The following CDKL2 variants were observed in gnomAD, a reference collection of about 807,000 sequenced individuals.
CDKL2 encodes the protein cyclin-dependent kinase-like 2.
A neutral mutation model predicts 63.9 loss-of-function variants in CDKL2; 64 were observed. That is an observed-to-expected ratio of 1.00 (90% confidence interval 0.82 to 1.23). The LOEUF (loss-of-function observed/expected upper bound fraction) is 1.23, where lower values mean the gene tolerates loss of function less well. CDKL2 is among the 50% of genes most tolerant of loss of function. The probability of loss-of-function intolerance (pLI) is 0.00; values close to 1 mark genes in which losing one functional copy is unlikely to be tolerated. For missense variants in CDKL2, 656 were observed against 668.0 expected, an observed-to-expected ratio of 0.98 and a Z score of 0.20; for synonymous variants, 211 against 229.2, an observed-to-expected ratio of 0.92 and a Z score of 0.72.
chr4:75,594,300 T>C lies in CDKL2; in HGVS notation c.1416+1947A>G, dbSNP rs565728946. Among the ~76,000 whole-genome samples the C allele has an allele frequency of 1.2e-4, 19 of 152,050 alleles. No homozygotes were observed. The East Asian group carries it at 3.7e-3, about 29-fold the overall frequency. On this transcript the variant is annotated intron_variant, in intron 10 of 13. Transcript: ENST00000307465. ...CCGCCTCTACTAAAAATACAAAAAT[T>C]AGCTGGGTGTGGTGGCAGGTGCCTG... is the stretch of plus-strand genomic sequence containing the variant.
intron 2 of CDKL2, among the ~76,000 whole-genome samples, chr4:75,618,875 G>T (rs960392069): frequency 6.6e-6 from 1 of 152,066 alleles, no homozygotes; most frequent in African/African-American, 2.4e-5. Context: ...AATAAACGAG[G>T]CATCACTAGA....
intron 7 of CDKL2, among the ~76,000 whole-genome samples, chr4:75,600,053 G>A (rs1729113131): frequency 6.6e-6 from 1 of 152,136 alleles, no homozygotes; most frequent in Admixed American, 6.6e-5. Context: ...ACAGAAAGAA[G>A]ACATAAAATG....
At chr4:75,602,743 C>T (rs1392063417) in intron 6 of CDKL2, among the ~76,000 whole-genome samples, 1 of 151,884 alleles carries the variant, frequency 6.6e-6, no homozygotes, top group Non-Finnish European at 1.5e-5. Flanking sequence ...AGGCTGGTCT[C>T]CAACTCCTGA....
At chr4:75,629,938 C>CAAAAAAAAAAA (rs747587721) in intron 1 of CDKL2, 104 bp downstream of exon 1, 8 of 74,170 alleles carry the variant, frequency 1.1e-4, no homozygotes, top group Non-Finnish European at 1.8e-4. Context: ...AACTCCGTCT[C>CAAAAAAAAAAA]AAAAAAAAAA....
intron 13 of CDKL2, among the ~76,000 whole-genome samples, chr4:75,580,248 G>A (rs2148853209): frequency 1.3e-5 from 2 of 150,806 alleles, no homozygotes; most frequent in South Asian, 4.4e-4. Flanking sequence ...GACAGAGCAA[G>A]ACACCGTCTC....
rs554405215 is a variant in CDKL2 at position 75,595,976 on chromosome 4, AGAAGGAAGGAAGGAAGGAAGGAAG to A, written c.1416+247_1416+270del. Reference sequence around the variant, plus strand: ...AGAGAGGAAGGAAGGAAGGAAGGAAAGAAGGAAGGAAGGAAGGAAGGAAGGAAGGAAGGAAGGAAGGAAGGAAGG... The same window carrying A: ...AGAGAGGAAGGAAGGAAGGAAGGAAAGAAGGAAGGAAGGAAGGAAGGAAGG... On this transcript the variant is annotated intron_variant, in intron 10 of 13. Transcript: ENST00000307465. The A allele has an allele frequency of 1.1e-4, 17 of 155,818 alleles. No homozygotes were observed. In the South Asian group the frequency reaches 1.1e-3, roughly 10 times the overall value. The allele number at this position is 155,818 out of a possible 1,614,324, so 9.7% of individuals were successfully genotyped here.
chr4:75,595,141 T>G (rs1277304617), intron 10 of CDKL2, among the ~76,000 whole-genome samples: 1 of 152,058 alleles, frequency 6.6e-6, no homozygotes, highest in Non-Finnish European at 1.5e-5. Flanking sequence ...TTATTTCCAG[T>G]GTCTCACACA....
chr4:75,614,536 T>C, intron 2 of CDKL2, 87 bp from the exon 3 acceptor site: 2 of 789,738 alleles, frequency 2.5e-6, no homozygotes, highest in Non-Finnish European at 4.0e-6. Context: ...CAATTAATTA[T>C]TTAAAATAGA....
intron 6 of CDKL2, among the ~76,000 whole-genome samples, chr4:75,601,480 T>G (rs1729188170): frequency 6.6e-6 from 1 of 152,142 alleles, no homozygotes; most frequent in Non-Finnish European, 1.5e-5. Flanking sequence ...ATAATACATC[T>G]GGGATTTGCT....
At chr4:75,596,373 G>A in intron 9 of CDKL2, 33 bp from the exon 10 acceptor site, 2 of 1,314,334 alleles carry the variant, frequency 1.5e-6, no homozygotes, top group Non-Finnish European at 2.2e-6. Flanking sequence ...TTTTAAGTTA[G>A]AACCAGCAAT....
chr4:75,620,010 C>A (rs954515261), intron 2 of CDKL2, among the ~76,000 whole-genome samples: 17 of 152,042 alleles, frequency 1.1e-4, no homozygotes, highest in African/African-American at 3.6e-4. Context: ...CATTCTGAGA[C>A]CCTGTCTCCA....
At chr4:75,594,902 A>G (rs2148872605) in intron 10 of CDKL2, among the ~76,000 whole-genome samples, 1 of 152,278 alleles carries the variant, frequency 6.6e-6, no homozygotes, top group East Asian at 1.9e-4. Flanking sequence ...GCAGGCACTT[A>G]TAGACCCTAT....
intron 8 of CDKL2, 98 bp downstream of exon 8, chr4:75,597,979 C>T (rs1036326759): frequency 5.7e-6 from 4 of 696,162 alleles, no homozygotes; most frequent in Non-Finnish European, 9.1e-6. Flanking sequence ...TAACAATTTG[C>T]TCACTGCTCA....
intron 7 of CDKL2, among the ~76,000 whole-genome samples, chr4:75,599,723 G>A (rs1191569241): frequency 1.3e-5 from 2 of 152,066 alleles, no homozygotes; most frequent in Admixed American, 6.6e-5. Context: ...AAGCAAATAG[G>A]AAAACCTAGC....
chr4:75,604,031 G>A (rs575867660), intron 5 of CDKL2, 75 bp from the exon 6 acceptor site: 61 of 1,401,122 alleles, frequency 4.4e-5, no homozygotes, highest in Non-Finnish European at 5.8e-5. Context: ...GTGGTGTGAA[G>A]TAGAGGAAAT....
chr4:75,613,508 T>G (rs541272350), intron 3 of CDKL2, among the ~76,000 whole-genome samples: 16 of 152,182 alleles, frequency 1.1e-4, no homozygotes, highest in South Asian at 2.1e-4. Context: ...ACTGGCAAAA[T>G]CTATGTGTTG....
intron 6 of CDKL2, 115 bp from the exon 7 acceptor site, chr4:75,600,484 G>A: frequency 1.5e-6 from 1 of 672,634 alleles, no homozygotes; most frequent in Non-Finnish European, 2.6e-6. Context: ...TTAAGACAGG[G>A]TCTCACTCTG....
intron 6 of CDKL2, among the ~76,000 whole-genome samples, chr4:75,603,125 C>G (rs1459362225): frequency 6.7e-6 from 1 of 149,794 alleles, no homozygotes; most frequent in Non-Finnish European, 1.5e-5. Flanking sequence ...TCAGCCTCCC[C>G]AGTAGCTGGG....
intron 2 of CDKL2, among the ~76,000 whole-genome samples, chr4:75,621,202 C>T (rs1730141160): frequency 6.7e-6 from 1 of 150,300 alleles, no homozygotes. Context: ...TCCCAAAGTG[C>T]TGAGATTAAC....
Sources: allele counts gnomAD v4.1 joint callset (sites outside exome capture counted in the v4.1 genomes callset), GRCh38; gene constraint gnomAD v4.1.1; transcripts MANE v1.5; gene names NCBI Gene and HGNC (gene_info 2026-07-23, HGNC 2026-07-21).